Variants in SLC24A4 observed in about 807,000 individuals in gnomAD.
SLC24A4 encodes the protein sodium/potassium/calcium exchanger 4.
Under a neutral mutation model 79.0 loss-of-function variants are expected in SLC24A4, and 53 were observed. The ratio of observed to expected loss-of-function variants is 0.67; its 90% CI spans 0.54 to 0.84. The LOEUF (loss-of-function observed/expected upper bound fraction) is 0.84, where lower values mean the gene tolerates loss of function less well. SLC24A4 is among the 40% of genes least tolerant of loss of function. The pLI is 0.00. For synonymous variants in SLC24A4, 323 were observed against 323.8 expected (o/e 1.00, Z 0.03); for missense variants, 731 against 822.0 (o/e 0.89, Z 1.35).
At chr14:92,443,239 C>T (rs1205364213) in intron 6 of SLC24A4, 161 bp from the exon 7 acceptor site, 1 of 693,404 alleles carries the variant, frequency 1.4e-6, no homozygotes, top group East Asian at 2.7e-5. Flanking sequence ...TACTTGGTTT[C>T]ATTCTGTTCC....
chr14:92,384,388 A>G (rs954957179), intron 2 of SLC24A4, among the ~76,000 whole-genome samples: 1 of 151,410 alleles, frequency 6.6e-6, no homozygotes, highest in African/African-American at 2.4e-5. Context: ...TGTTTTTTTC[A>G]GGGATGTTTA....
At chr14:92,474,727 ACG>A (rs1249727139) in intron 12 of SLC24A4, among the ~76,000 whole-genome samples, 16 of 4,146 alleles carry the variant, frequency 3.9e-3, no homozygotes, top group South Asian at 0.042. Context: ...ATATACACAC[ACG>A]TATATATACG....
intron 2 of SLC24A4, among the ~76,000 whole-genome samples, chr14:92,432,083 G>A (rs974400141): frequency 2.0e-5 from 3 of 152,168 alleles, no homozygotes; most frequent in Non-Finnish European, 4.4e-5. Context: ...TGGGTACGGA[G>A]GATGGTGGGG....
At chr14:92,403,190 G>A (rs1170147403) in intron 2 of SLC24A4, among the ~76,000 whole-genome samples, 1 of 152,108 alleles carries the variant, frequency 6.6e-6, no homozygotes, top group Non-Finnish European at 1.5e-5. Context: ...TGGGTGAGCA[G>A]CCTCTTCTCA....
intron 2 of SLC24A4, among the ~76,000 whole-genome samples, chr14:92,428,420 C>T (rs12589463): frequency 0.24 from 36,402 of 152,020 alleles, 4,965 homozygotes; most frequent in African/African-American, 0.38. Context: ...TATCTAGGGT[C>T]CCTGAGGGGG....
intron 12 of SLC24A4, among the ~76,000 whole-genome samples, chr14:92,474,681 ACACATATATATGTATATATACGTGTGTG>A (rs1894619983): frequency 7.6e-6 from 1 of 131,286 alleles, no homozygotes; most frequent in African/African-American, 2.8e-5. Context: ...ATATATATAT[ACACATATATATGTATATATACGTGTGTG>A]TATATATATA....
At position 92,447,328 on chromosome 14, in the gene SLC24A4, C is replaced by T. The variant is rs201071199; in HGVS notation, c.684-43C>T. 1.1e-3 allele frequency: 1,778 copies of T among 1,599,520 alleles called. 3 individuals carry two copies. The highest frequency in any genetic ancestry group is 2.0e-3 in the South Asian group (180 of 90,710). ...CCCTCATTCCCAGCCTTCACCTGCC[C>T]CGGGCCCCGAGCTCTAACCGCAATC... On this transcript the variant is annotated intron_variant, in intron 8 of 16. Transcript: ENST00000532405.
At chr14:92,432,107 G>C (rs923225735) in intron 2 of SLC24A4, among the ~76,000 whole-genome samples, 1 of 152,108 alleles carries the variant, frequency 6.6e-6, no homozygotes, top group African/African-American at 2.4e-5. Flanking sequence ...AGGCAGCCGG[G>C]AACTCTGCCA....
At chr14:92,444,345 G>A (rs61977294) in intron 7 of SLC24A4, among the ~76,000 whole-genome samples, 17,120 of 152,148 alleles carry the variant, frequency 0.11, 1,098 homozygotes, top group African/African-American at 0.17. Flanking sequence ...CTCTGAGACC[G>A]TCTAGTACAA....
intron 12 of SLC24A4, among the ~76,000 whole-genome samples, chr14:92,478,824 G>A (rs1050437534): frequency 1.1e-4 from 17 of 152,082 alleles, no homozygotes; most frequent in Non-Finnish European, 2.1e-4. Context: ...TAAGCCTTCC[G>A]ATTCATAAAC....
At chr14:92,379,713 T>C (rs1468236161) in intron 2 of SLC24A4, among the ~76,000 whole-genome samples, 1 of 152,126 alleles carries the variant, frequency 6.6e-6, no homozygotes, top group East Asian at 1.9e-4. Flanking sequence ...GTGCCCAGTC[T>C]GATGGAGCTC....
At chr14:92,327,606 C>G (rs1175808692) in intron 2 of SLC24A4, among the ~76,000 whole-genome samples, 1 of 152,198 alleles carries the variant, frequency 6.6e-6, no homozygotes. Context: ...TGGTTTCAAG[C>G]TTGCTGGTGC....
chr14:92,394,571 A>G (rs772654962), intron 2 of SLC24A4, among the ~76,000 whole-genome samples: 5 of 152,198 alleles, frequency 3.3e-5, no homozygotes, highest in Non-Finnish European at 5.9e-5. Flanking sequence ...TCAAAAATAT[A>G]TATGTAGACT....
At chr14:92,334,431 C>T (rs1378188389) in intron 2 of SLC24A4, among the ~76,000 whole-genome samples, 1 of 152,166 alleles carries the variant, frequency 6.6e-6, no homozygotes, top group Non-Finnish European at 1.5e-5. Flanking sequence ...ATGCCTGTTT[C>T]AGGGGTGGAG....
intron 2 of SLC24A4, among the ~76,000 whole-genome samples, chr14:92,407,626 G>C (rs1456063477): frequency 6.6e-6 from 1 of 150,964 alleles, no homozygotes; most frequent in Non-Finnish European, 1.5e-5. Flanking sequence ...CTCTTACCAT[G>C]GTGGAGCAGG....
chr14:92,377,536 C>G (rs916778269), intron 2 of SLC24A4, among the ~76,000 whole-genome samples: 23 of 152,170 alleles, frequency 1.5e-4, no homozygotes, highest in Non-Finnish European at 4.4e-5. Context: ...GAACATGGAA[C>G]AGCAGGAACA....
chr14:92,387,338 G>A (rs1595201103), intron 2 of SLC24A4, among the ~76,000 whole-genome samples: 2 of 152,092 alleles, frequency 1.3e-5, no homozygotes, highest in South Asian at 2.1e-4. Flanking sequence ...CACCACGCCC[G>A]GCTAATTTTA....
At position 92,449,074 on chromosome 14, in the gene SLC24A4, G is replaced by A; in HGVS notation, c.738G>A (p.Lys246=). 6.2e-7 allele frequency: 1 copy of A among 1,614,090 alleles called. No individual in the cohort carries two copies. ...ACCTCCTGCCTCCCCTCGCTTCCAGGTACAATGTGAAGATGCAAGCCTTTT... is the reference window on the plus strand; with the variant it reads ...ACCTCCTGCCTCCCCTCGCTTCCAGATACAATGTGAAGATGCAAGCCTTTT... The part of the protein sequence containing the change: ...ILYVFYILIM[K]YNVKMQAFFT... The change falls in exon 10 of 17, where the codon AAG becomes AAA. Residue 246 remains lysine (K), a splice_region_variant and synonymous_variant. Transcript: ENST00000532405.
At chr14:92,393,772 A>G (rs964238149) in intron 2 of SLC24A4, among the ~76,000 whole-genome samples, 2 of 152,004 alleles carry the variant, frequency 1.3e-5, no homozygotes, top group Non-Finnish European at 2.9e-5. Flanking sequence ...GCACTTTAGG[A>G]TGCCAAGGTG....
Sources: gnomAD v4.1 joint callset for allele counts (sites outside exome capture counted in the v4.1 genomes callset) on GRCh38, gnomAD v4.1.1 for gene constraint, MANE v1.5 for transcripts, NCBI Gene and HGNC (gene_info 2026-07-23, HGNC 2026-07-21) for gene names.